Variants in DCC observed in about 807,000 individuals in gnomAD.
DCC encodes netrin receptor DCC.
DCC carries 58 observed loss-of-function variants against 172.5 expected under a neutral mutation model. That is an observed-to-expected ratio of 0.34 (90% CI 0.27 to 0.42). The LOEUF is 0.42. Ranked by LOEUF, DCC falls within the 10% of genes least tolerant of loss-of-function variation. The pLI, the probability that DCC is intolerant of heterozygous loss-of-function variation, is 1.00. For synonymous variants in DCC, 709 were observed against 644.5 expected (o/e 1.10, Z -1.52); for missense variants, 1,740 against 1,791.0 (o/e 0.97, Z 0.51).
intron 2 of DCC, among the ~76,000 whole-genome samples, chr18:52,814,302 T>C (rs1053518606): frequency 1.3e-5 from 2 of 152,204 alleles, no homozygotes; most frequent in Admixed American, 1.3e-4. Context: ...ACATAGAATT[T>C]TCTGAGATAC....
intron 1 of DCC, among the ~76,000 whole-genome samples, chr18:52,460,399 C>T (rs536691775): frequency 2.6e-5 from 4 of 152,150 alleles, no homozygotes; most frequent in Non-Finnish European, 5.9e-5. Context: ...TTTTTCAACA[C>T]TTTCTTTACT....
At chr18:53,110,584 C>T (rs1050774734) in intron 7 of DCC, among the ~76,000 whole-genome samples, 10 of 151,414 alleles carry the variant, frequency 6.6e-5, no homozygotes, top group African/African-American at 1.2e-4. Context: ...AAAAATTGGG[C>T]GAAGGACATG....
intron 16 of DCC, 48 bp from the exon 17 acceptor site, chr18:53,391,607 A>G: frequency 8.3e-7 from 1 of 1,212,100 alleles, no homozygotes; most frequent in Non-Finnish European, 1.2e-6. Flanking sequence ...TAACGCTTTT[A>G]TTTACGTATT....
chr18:52,440,978 G>T (rs1987953482), intron 1 of DCC, among the ~76,000 whole-genome samples: 1 of 152,208 alleles, frequency 6.6e-6, no homozygotes. Flanking sequence ...ATAAACCACA[G>T]ATACTGGTAC....
intron 27 of DCC, among the ~76,000 whole-genome samples, chr18:53,513,432 C>G (rs1345501393): frequency 6.6e-6 from 1 of 152,178 alleles, no homozygotes; most frequent in Admixed American, 6.5e-5. Context: ...CAGCTAACAT[C>G]ATAATGACAG....
intron 1 of DCC, among the ~76,000 whole-genome samples, chr18:52,624,971 G>C (rs796712792): frequency 1.8e-4 from 27 of 152,238 alleles, no homozygotes; most frequent in Admixed American, 1.6e-3. Context: ...ACATCATAGA[G>C]TGTCCTTTCA....
intron 1 of DCC, among the ~76,000 whole-genome samples, chr18:52,533,867 A>G (rs183456041): frequency 3.9e-4 from 60 of 152,270 alleles, no homozygotes; most frequent in African/African-American, 1.4e-3. Context: ...TCAGCAGTGT[A>G]TAGGTGATCC....
At chr18:52,654,958 C>G (rs2035217134) in intron 1 of DCC, among the ~76,000 whole-genome samples, 2 of 152,164 alleles carry the variant, frequency 1.3e-5, no homozygotes, top group South Asian at 4.1e-4. Flanking sequence ...AACCACCCAG[C>G]TTTAAATCCT....
chr18:53,115,585 T>TA (rs1464512446), intron 7 of DCC, among the ~76,000 whole-genome samples: 2 of 151,622 alleles, frequency 1.3e-5, no homozygotes, highest in Non-Finnish European at 1.5e-5. Context: ...CCAGTAGTTG[T>TA]AAAAAATACA....
chr18:53,113,909 A>T (rs2043373210), intron 7 of DCC, among the ~76,000 whole-genome samples: 1 of 151,356 alleles, frequency 6.6e-6, no homozygotes, highest in Non-Finnish European at 1.5e-5. Context: ...TGATGTTTTA[A>T]TTATACCTTT....
At chr18:52,809,455 T>C in intron 2 of DCC, 1 of 158,516 alleles carries the variant, frequency 6.3e-6, no homozygotes, top group Non-Finnish European at 1.4e-5. Context: ...AAGCCATGGG[T>C]CACAGAAGAG....
chr18:52,643,516 A>T (rs981653430), intron 1 of DCC, among the ~76,000 whole-genome samples: 4 of 152,154 alleles, frequency 2.6e-5, no homozygotes, highest in African/African-American at 9.7e-5. Flanking sequence ...TCCTCCTGAA[A>T]CTATATTTTC....
chr18:53,067,079 T>A (rs933436342), intron 7 of DCC, among the ~76,000 whole-genome samples: 1 of 152,162 alleles, frequency 6.6e-6, no homozygotes, highest in African/African-American at 2.4e-5. Flanking sequence ...ACACTGGGGA[T>A]TGCAATTAGA....
chr18:53,012,810 A>G (rs970107463), intron 5 of DCC, among the ~76,000 whole-genome samples: 1 of 152,138 alleles, frequency 6.6e-6, no homozygotes, highest in African/African-American at 2.4e-5. Context: ...AATGGGAGAA[A>G]ATTTTTGCAA....
chr18:52,467,379 TC>T (rs1312109940), intron 1 of DCC, among the ~76,000 whole-genome samples: 1 of 143,198 alleles, frequency 7.0e-6, no homozygotes, highest in Non-Finnish European at 1.6e-5. Context: ...CACGAACTCA[TC>T]CTTTTTTTAT....
At chr18:52,664,914 C>T (rs994353841) in intron 1 of DCC, among the ~76,000 whole-genome samples, 1 of 152,182 alleles carries the variant, frequency 6.6e-6, no homozygotes, top group Non-Finnish European at 1.5e-5. Flanking sequence ...TAAATGCCCT[C>T]CCTCCAACAC....
At chr18:53,230,690 G>A (rs144894701) in intron 12 of DCC, among the ~76,000 whole-genome samples, 74 of 151,976 alleles carry the variant, frequency 4.9e-4, no homozygotes, top group South Asian at 2.3e-3. Flanking sequence ...CCCTTACTTT[G>A]AATTATATGT....
intron 1 of DCC, among the ~76,000 whole-genome samples, chr18:52,622,653 C>T (rs1204323362): frequency 1.3e-5 from 2 of 152,114 alleles, no homozygotes; most frequent in East Asian, 3.9e-4. Context: ...AGAATTTACT[C>T]TGTCAGCAAG....
At chr18:53,340,120 G>A (rs2057640787) in intron 15 of DCC, among the ~76,000 whole-genome samples, 1 of 151,642 alleles carries the variant, frequency 6.6e-6, no homozygotes, top group South Asian at 2.1e-4. Flanking sequence ...TTGAATTTGG[G>A]ATTTCAGGAA....
Sources: gnomAD v4.1 joint callset for allele counts (sites outside exome capture counted in the v4.1 genomes callset) on GRCh38, gnomAD v4.1.1 for gene constraint, MANE v1.5 for transcripts, NCBI Gene and HGNC (gene_info 2026-07-23, HGNC 2026-07-21) for gene names.